Variants in RBMS1 observed in about 807,000 individuals in gnomAD.
RBMS1 encodes RNA-binding motif, single-stranded-interacting protein 1.
In RBMS1, 17 loss-of-function variants were observed where a neutral mutation model predicts 62.3. The observed-to-expected ratio is 0.27, with a 90% CI of 0.19 to 0.41. The LOEUF is 0.41. Among genes scored for constraint, RBMS1 ranks in the 10% least tolerant of loss-of-function variants. The pLI is 1.00. For synonymous variants in RBMS1, 172 were observed against 170.0 expected (o/e 1.01, Z -0.09); for missense variants, 334 against 504.5 (o/e 0.66, Z 3.24).
At chr2:160,459,881 T>G (rs1200328512) in intron 1 of RBMS1, among the ~76,000 whole-genome samples, 1 of 152,160 alleles carries the variant, frequency 6.6e-6, no homozygotes, top group African/African-American at 2.4e-5. Flanking sequence ...AAAGTATATA[T>G]TAGGAACACA....
chr2:160,464,936 T>C (rs1434544171), intron 1 of RBMS1, among the ~76,000 whole-genome samples: 2 of 152,228 alleles, frequency 1.3e-5, no homozygotes, highest in African/African-American at 4.8e-5. Flanking sequence ...CAAGAATAAT[T>C]GCAATGTGCT....
At chr2:160,341,541 G>A (rs544526487) in intron 2 of RBMS1, among the ~76,000 whole-genome samples, 1 of 152,134 alleles carries the variant, frequency 6.6e-6, no homozygotes, top group Non-Finnish European at 1.5e-5. Context: ...GTGAGGAGGG[G>A]AGAATTCAGA....
Position 160,288,826 on chromosome 2 carries a change from C to CT in RBMS1, c.641-1743dup, listed in dbSNP as rs566607670. 4.1e-3 allele frequency among the ~76,000 whole-genome samples: 630 copies of CT among 151,830 alleles called. 6 individuals are homozygous for CT. The highest frequency in any genetic ancestry group is 0.013 in the African/African-American group (534 of 41,368). ...ACTAGGTCCTAGACTGAAATTTAACCTTTTTTTTGTTTTTTTTAAAGAAGT... is the reference window on the plus strand; with the variant it reads ...ACTAGGTCCTAGACTGAAATTTAACCTTTTTTTTTGTTTTTTTTAAAGAAGT... On this transcript the variant is annotated intron_variant, in intron 6 of 13. Transcript: ENST00000348849.
At chr2:160,374,201 G>A (rs1473688247) in intron 1 of RBMS1, among the ~76,000 whole-genome samples, 1 of 152,172 alleles carries the variant, frequency 6.6e-6, no homozygotes, top group Non-Finnish European at 1.5e-5. Context: ...GCTGCAGTGA[G>A]CTGTGATTGT....
intron 2 of RBMS1, among the ~76,000 whole-genome samples, chr2:160,324,070 T>G (rs1390512404): frequency 6.6e-6 from 1 of 152,236 alleles, no homozygotes; most frequent in Non-Finnish European, 1.5e-5. Context: ...AAATTCTACC[T>G]TTTTGGTAAT....
intron 1 of RBMS1, among the ~76,000 whole-genome samples, chr2:160,418,494 G>C (rs1032133758): frequency 1.3e-5 from 2 of 152,162 alleles, no homozygotes; most frequent in Admixed American, 6.5e-5. Context: ...TGAATCAAAA[G>C]CAATAACAAC....
At chr2:160,295,439 AAATT>A (rs1005098455) in intron 6 of RBMS1, among the ~76,000 whole-genome samples, 4 of 152,244 alleles carry the variant, frequency 2.6e-5, no homozygotes, top group Admixed American at 2.0e-4. Flanking sequence ...AAATGGCACA[AAATT>A]AAGTGCTAAT....
At chr2:160,439,411 C>T (rs1391929115) in intron 1 of RBMS1, among the ~76,000 whole-genome samples, 44 of 152,124 alleles carry the variant, frequency 2.9e-4, no homozygotes, top group Non-Finnish European at 5.0e-4. Context: ...CCTCACATCC[C>T]GGACGGGGCG....
At chr2:160,480,939 G>A (rs1425441867) in intron 1 of RBMS1, among the ~76,000 whole-genome samples, 1 of 151,854 alleles carries the variant, frequency 6.6e-6, no homozygotes, top group Non-Finnish European at 1.5e-5. Context: ...AAATTACCCA[G>A]GCATGGTAGC....
intron 2 of RBMS1, among the ~76,000 whole-genome samples, chr2:160,337,567 T>C (rs1474418850): frequency 6.6e-6 from 1 of 152,146 alleles, no homozygotes; most frequent in African/African-American, 2.4e-5. Flanking sequence ...GCTTTAATCA[T>C]ATACTTTGAG....
chr2:160,319,537 C>G (rs1399095701), intron 2 of RBMS1, among the ~76,000 whole-genome samples: 3 of 152,100 alleles, frequency 2.0e-5, no homozygotes, highest in Non-Finnish European at 4.4e-5. Flanking sequence ...CAAATCAAAT[C>G]AAAGTAAGAC....
intron 2 of RBMS1, among the ~76,000 whole-genome samples, chr2:160,359,797 C>T (rs1463793469): frequency 6.6e-6 from 1 of 152,128 alleles, no homozygotes; most frequent in African/African-American, 2.4e-5. Flanking sequence ...TATTTAATTT[C>T]AGGGTGGAGA....
At chr2:160,339,261 A>G (rs1691737514) in intron 2 of RBMS1, among the ~76,000 whole-genome samples, 1 of 152,212 alleles carries the variant, frequency 6.6e-6, no homozygotes, top group Admixed American at 6.5e-5. Flanking sequence ...CAGTCCACTG[A>G]AACAAATGTT....
chr2:160,381,041 C>G (rs1320708395), intron 1 of RBMS1, among the ~76,000 whole-genome samples: 1 of 152,080 alleles, frequency 6.6e-6, no homozygotes, highest in Non-Finnish European at 1.5e-5. Flanking sequence ...CCATAAAATC[C>G]TGGAGAGGTT....
chr2:160,454,450 A>G (rs1329805558), intron 1 of RBMS1, among the ~76,000 whole-genome samples: 1 of 152,248 alleles, frequency 6.6e-6, no homozygotes, highest in Non-Finnish European at 1.5e-5. Context: ...ACCATGAAGG[A>G]TGGCAACTTT....
chr2:160,449,620 G>A (rs1021307361), intron 1 of RBMS1, among the ~76,000 whole-genome samples: 1 of 152,284 alleles, frequency 6.6e-6, no homozygotes, highest in African/African-American at 2.4e-5. Flanking sequence ...ACAGATGCTT[G>A]AAGGCAGCAT....
intron 1 of RBMS1, among the ~76,000 whole-genome samples, chr2:160,434,651 G>C (rs1329169405): frequency 6.6e-6 from 1 of 152,156 alleles, no homozygotes; most frequent in Non-Finnish European, 1.5e-5. Context: ...GCATAACTAA[G>C]AAACTTAATT....
At position 160,493,674 on chromosome 2, in the gene RBMS1, C is replaced by A; in HGVS notation, c.-311G>T. 2.2e-6 allele frequency: 1 copy of A among 450,148 alleles called. No homozygotes were observed. The highest frequency in any genetic ancestry group is 4.1e-6 in the Non-Finnish European group (1 of 246,270). 27.9% of individuals were successfully genotyped at this position (450,148 alleles called of 1,614,324 possible). ...CAAGGAGTTTCCTCCCGGAGCCCGA[C>A]TGCTCCGGGGCTGCCAAGGGCTGGC... On this transcript the variant is annotated 5_prime_UTR_variant, in exon 1 of 14. Transcript: ENST00000348849.
At chr2:160,363,066 C>CCAG (rs1693216675) in intron 2 of RBMS1, among the ~76,000 whole-genome samples, 1 of 152,174 alleles carries the variant, frequency 6.6e-6, no homozygotes, top group Admixed American at 6.5e-5. Context: ...AGGCTCTGGA[C>CCAG]CAGCTCTTTT....
Sources: gnomAD v4.1 joint callset for allele counts (sites outside exome capture counted in the v4.1 genomes callset) on GRCh38, gnomAD v4.1.1 for gene constraint, MANE v1.5 for transcripts, NCBI Gene and HGNC (gene_info 2026-07-23, HGNC 2026-07-21) for gene names.